The following TTLL12 variants were observed in gnomAD, a reference collection of about 807,000 sequenced individuals.
TTLL12 encodes tubulin tyrosine ligase like 12, also known as tubulin--tyrosine ligase-like protein 12.
In TTLL12, 77 loss-of-function variants were observed where a neutral mutation model predicts 79.6. The ratio of observed to expected loss-of-function variants is 0.97; its 90% CI spans 0.81 to 1.17. The LOEUF is 1.17. Ranked by LOEUF, TTLL12 falls within the 50% of genes most tolerant of loss-of-function variation. The pLI is 0.00. For synonymous variants in TTLL12, 437 were observed against 376.1 expected (o/e 1.16, Z -1.87); for missense variants, 969 against 895.9 (o/e 1.08, Z -1.04).
intron 11 of TTLL12, among the ~76,000 whole-genome samples, chr22:43,170,553 C>T (rs5759205): frequency 0.075 from 11,462 of 152,218 alleles, 1,758 homozygotes; most frequent in East Asian, 0.67. Context: ...CCTCAAAACA[C>T]GCCACTCAGC....
intron 12 of TTLL12, 98 bp downstream of exon 12, chr22:43,169,392 AGGTCCCTCCC>A: frequency 1.0e-6 from 1 of 968,834 alleles, no homozygotes; most frequent in Non-Finnish European, 1.5e-6. Flanking sequence ...CAGGGGACAA[AGGTCCCTCCC>A]AGCCCATGCC....
intron 1 of TTLL12, chr22:43,186,153 A>T: frequency 9.0e-6 from 2 of 221,612 alleles, no homozygotes; most frequent in Non-Finnish European, 1.4e-5. Flanking sequence ...GGGAGACAGC[A>T]CCTGGAGGAG....
In TTLL12 at chr22:43,179,686, G is replaced by C. The variant is rs544293351; in HGVS notation, c.773C>G (p.Pro258Arg). 1.3e-6 allele frequency: 2 copies of C among 1,574,308 alleles called. No individual in the cohort carries two copies. The highest frequency in any genetic ancestry group is 1.2e-5 in the South Asian group (1 of 85,686). ...DPLIRKCMLL[P>R]WAPTDMLDLS... is the part of the protein sequence containing the mutation. ...GTCCAGCATGTCGGTGGGGGCCCAGGGCAGCAGCATGCACTTCCGGATCAG... is the reference window on the plus strand; with the variant it reads ...GTCCAGCATGTCGGTGGGGGCCCAGCGCAGCAGCATGCACTTCCGGATCAG... Residue 258 changes from proline (P) to arginine (R), a missense_variant, in exon 5 of 14, where the codon CCC (proline) becomes CGC (arginine). Coordinates refer to ENST00000216129, the MANE Select transcript of TTLL12 (RefSeq NM_015140.4).
Position 43,180,057 on chromosome 22 carries a change from C to A in TTLL12, c.547-57G>T, listed in dbSNP as rs1932016366. The A allele has an allele frequency of 2.0e-6, 3 of 1,510,854 alleles. No individual in the cohort carries two copies. In the Middle Eastern group the frequency reaches 5.3e-4, roughly 266 times the overall value. 93.6% of individuals were successfully genotyped at this position (1,510,854 alleles called of 1,614,324 possible). A position where few individuals can be genotyped will look rare whatever the true frequency, so the allele number is the denominator to read the frequency against. ...TCACCCATCCACCCACCGGAACTCC[C>A]TTCCGGAACCCAGACATCGACCACC... On this transcript the variant is annotated intron_variant, in intron 3 of 13. Coordinates refer to ENST00000216129, the MANE Select transcript of TTLL12 (RefSeq NM_015140.4).
rs1932204573 is a variant in TTLL12, at chr22:43,187,055, C to G, written c.15G>C (p.Arg5=). Residue 5 remains arginine, a synonymous_variant, in exon 1 of 14, where the codon CGG becomes CGC. Transcript: ENST00000216129. ...GCTCCGCAGGCCGGCGCTCGGGACC[C>G]CGCTCGGCCTCCATGGCGCCAGCAC... MEAE[R]GPERRPAERS... The G allele has an allele frequency of 5.1e-6, 6 of 1,185,786 alleles. No homozygotes were observed. The highest frequency in any genetic ancestry group is 6.3e-6 in the Non-Finnish European group (6 of 958,910). 73.5% of individuals were successfully genotyped at this position (1,185,786 alleles called of 1,614,324 possible). A position where few individuals can be genotyped will look rare whatever the true frequency, so the allele number is the denominator to read the frequency against.
chr22:43,181,075 T>C (rs1425134625), intron 2 of TTLL12, 135 bp from the exon 3 acceptor site: 1 of 1,034,602 alleles, frequency 9.7e-7, no homozygotes, highest in African/African-American at 1.6e-5. Context: ...GTGCCATAGT[T>C]ATGCCTAGTT....
chr22:43,172,658 T>A, intron 9 of TTLL12, 104 bp from the exon 10 acceptor site: 2 of 1,280,880 alleles, frequency 1.6e-6, no homozygotes, highest in Non-Finnish European at 2.2e-6. Context: ...TGCACTTTAC[T>A]CCTCCTTCTG....
In TTLL12 at chr22:43,169,513, C is replaced by G; in HGVS notation, c.1631G>C (p.Trp544Ser). 1 of 1,604,158 alleles carries G rather than the reference C, an allele frequency of 6.2e-7. No homozygotes were observed. Among genetic ancestry groups the G allele is most frequent in the Non-Finnish European group, 8.5e-7 (1 of 1,174,026 alleles). The change falls in exon 12 of 14, where the codon TGG becomes TCG. Residue 544 changes from tryptophan (W) to serine (S), a missense_variant. By Grantham distance (177) the Trp-to-Ser change is radical (BLOSUM62 -3). Transcript: ENST00000216129. The part of the protein sequence containing the change: ...EFEKQYPEFP[W>S]TDVQAEIFRA... ...GACAGGAATTACCTGGACGTCCGTC[C>G]AGGGAAATTCTGGGTATTGCTTCTC...
Position 43,168,132 on chromosome 22 carries a change from A to G in TTLL12, c.1811T>C (p.Leu604Pro). The G allele has an allele frequency of 6.2e-7, 1 of 1,614,150 alleles. No individual in the cohort carries two copies. The highest frequency in any genetic ancestry group is 8.5e-7 in the Non-Finnish European group (1 of 1,179,990). Residue 604 changes from leucine (L) to proline (P), a missense_variant, in exon 14 of 14, where the codon CTG becomes CCG. Transcript: ENST00000216129. ...ACAGTCGGGGTTGAAGTTCACCTCC[A>G]GGATCTGCGGCTGCATCACCCGCCT... ...DGRRVMQPQI[L>P]EVNFNPDCER... is the part of the protein sequence containing the mutation.
intron 2 of TTLL12, among the ~76,000 whole-genome samples, chr22:43,181,443 G>A (rs1272172386): frequency 6.6e-6 from 1 of 152,202 alleles, no homozygotes; most frequent in Non-Finnish European, 1.5e-5. Context: ...GACGGCACAA[G>A]GGCTACCACA....
At position 43,179,644 on chromosome 22, in the gene TTLL12, G is replaced by A; in HGVS notation, c.815C>T (p.Pro272Leu). The change falls in exon 5 of 14, where the codon CCC becomes CTC. Residue 272 changes from proline to leucine, a missense_variant. By Grantham distance (98) the Pro-to-Leu change is moderately conservative. Transcript: ENST00000216129. ...TDMLDLSSCT[P>L]EPPAEHYQAI... is the part of the protein sequence containing the mutation. ...CTGGTAGTGCTCGGCGGGCGGCTCG[G>A]GTGTGCAAGAGCTGAGGTCCAGCAT... 1.9e-6 allele frequency: 3 copies of A among 1,586,742 alleles called. No homozygotes were observed. Among genetic ancestry groups the A allele is most frequent in the Non-Finnish European group, 1.7e-6 (2 of 1,167,174 alleles).
At chr22:43,179,109 G>T (rs1485169412) in intron 5 of TTLL12, among the ~76,000 whole-genome samples, 1 of 152,128 alleles carries the variant, frequency 6.6e-6, no homozygotes, top group Non-Finnish European at 1.5e-5. Flanking sequence ...CCTTGTATGG[G>T]GCCTGGATGA....
At position 43,187,111 on chromosome 22, in the gene TTLL12, C is replaced by A; in HGVS notation, c.-42G>T. The stretch of plus-strand genomic sequence containing the variant: ...CCGACTCCAGCGCCGCCACCGCCGC[C>A]GCCGCCCGCCGTCCGTCGGCCCTGC... On this transcript the variant is annotated 5_prime_UTR_variant, in exon 1 of 14. Transcript: ENST00000216129. The A allele has an allele frequency of 9.4e-7, 1 of 1,067,732 alleles. No individual in the cohort carries two copies. The highest frequency in any genetic ancestry group is 1.7e-5 in the African/African-American group (1 of 57,744). 66.1% of individuals were successfully genotyped at this position (1,067,732 alleles called of 1,614,324 possible). A position where few individuals can be genotyped will look rare whatever the true frequency, so the allele number is the denominator to read the frequency against.
chr22:43,173,005 C>T (rs1931805431), intron 9 of TTLL12, among the ~76,000 whole-genome samples: 1 of 152,144 alleles, frequency 6.6e-6, no homozygotes, highest in South Asian at 2.1e-4. Flanking sequence ...GAAGCAAAGT[C>T]TTTATATCCA....
intron 5 of TTLL12, among the ~76,000 whole-genome samples, chr22:43,178,598 G>A (rs1416730321): frequency 6.6e-6 from 1 of 152,164 alleles, no homozygotes; most frequent in Non-Finnish European, 1.5e-5. Context: ...TGGGATTACA[G>A]GCATGAGCCC....
At chr22:43,173,358 C>T (rs536051359) in intron 9 of TTLL12, among the ~76,000 whole-genome samples, 143 of 152,176 alleles carry the variant, frequency 9.4e-4, no homozygotes, top group Non-Finnish European at 1.6e-3. Context: ...TCGCCCAGGG[C>T]GGAGTGCAGT....
At chr22:43,179,466 C>T (rs560652028) in intron 5 of TTLL12, among the ~76,000 whole-genome samples, 153 bp downstream of exon 5, 2 of 152,168 alleles carry the variant, frequency 1.3e-5, no homozygotes, top group African/African-American at 2.4e-5. Context: ...CTGAGCCCCT[C>T]GTCTCTCAGA....
chr22:43,169,767 A>C, intron 11 of TTLL12, 199 bp from the exon 12 acceptor site: 1 of 666,936 alleles, frequency 1.5e-6, no homozygotes, highest in Non-Finnish European at 2.8e-6. Flanking sequence ...GTGACTCTGG[A>C]CCAACGGATT....
chr22:43,176,309 G>A lies in TTLL12; in HGVS notation c.917+11C>T, dbSNP rs945716413. ...AAGTCCCAGCCCAAGCAGTGGGGGG[G>A]GGCTACGCACTTGAAGATGTGGCCG... On this transcript the variant is annotated intron_variant, in intron 6 of 13. Coordinates refer to ENST00000216129, the MANE Select transcript of TTLL12 (RefSeq NM_015140.4). 11 of 1,577,830 alleles carry A rather than the reference G, an allele frequency of 7.0e-6. No individual in the cohort carries two copies. Among genetic ancestry groups the A allele is most frequent in the East Asian group, 2.3e-5 (1 of 44,036 alleles).
Sources: allele counts gnomAD v4.1 joint callset (sites outside exome capture counted in the v4.1 genomes callset), GRCh38; gene constraint gnomAD v4.1.1; transcripts MANE v1.5; gene names NCBI Gene and HGNC (gene_info 2026-07-23, HGNC 2026-07-21).